The following ATP2B4 variants were observed in gnomAD, a reference collection of about 807,000 sequenced individuals.
The protein encoded by ATP2B4 is ATPase plasma membrane Ca2+ transporting 4, also known as plasma membrane calcium-transporting ATPase 4.
A neutral mutation model predicts 110.3 loss-of-function variants in ATP2B4; 39 were observed. That is an observed-to-expected ratio of 0.35 (90% CI 0.27 to 0.46). ATP2B4 has a LOEUF of 0.46. Among genes scored for constraint, ATP2B4 ranks in the 20% least tolerant of loss-of-function variants. ATP2B4 has a pLI of 1.00. For synonymous variants in ATP2B4, 538 were observed against 571.7 expected (o/e 0.94, Z 0.84); for missense variants, 1,135 against 1,530.9 (o/e 0.74, Z 4.32).
In ATP2B4 at chr1:203,711,051, C is replaced by G. The variant is rs761235783; in HGVS notation, c.1974C>G (p.Ile658Met). The G allele has an allele frequency of 6.2e-7, 1 of 1,614,114 alleles. No homozygotes were observed. The highest frequency in any genetic ancestry group is 1.1e-5 in the South Asian group (1 of 91,066). The change falls in exon 12 of 21, where the codon ATC becomes ATG. Residue 658 changes from isoleucine to methionine, a missense_variant. By Grantham distance (10) the Ile-to-Met change is conservative. Transcript: ENST00000357681. ...TEPSWDNENE[I>M]LTELTCIAVV... Reference sequence around the variant, plus strand: ...CCTCTTGGGACAATGAGAATGAGATCCTCACCGAACTGACCTGTATCGCGG... The same window carrying G: ...CCTCTTGGGACAATGAGAATGAGATGCTCACCGAACTGACCTGTATCGCGG...
chr1:203,723,461 C>CTCTCTCTCTCTCTCT (rs1666407930), intron 18 of ATP2B4, among the ~76,000 whole-genome samples: 1 of 67,612 alleles, frequency 1.5e-5, no homozygotes, highest in Non-Finnish European at 3.1e-5. Context: ...TCTCTCTCTC[C>CTCTCTCTCTCTCTCT]CTCTGCCTCT....
intron 19 of ATP2B4, 133 bp downstream of exon 19, chr1:203,724,121 C>T: frequency 1.4e-6 from 1 of 691,428 alleles, no homozygotes; most frequent in Non-Finnish European, 2.3e-6. Context: ...CTCCCCACCC[C>T]CACTCAAGTT....
chr1:203,660,339 A>AT (rs1664298275), intron 1 of ATP2B4, among the ~76,000 whole-genome samples: 1 of 152,202 alleles, frequency 6.6e-6, no homozygotes, highest in African/African-American at 2.4e-5. Flanking sequence ...TTGAAAGAGG[A>AT]TAAAAATAGC....
chr1:203,641,109 C>T (rs929497672), intron 1 of ATP2B4, among the ~76,000 whole-genome samples: 1 of 152,236 alleles, frequency 6.6e-6, no homozygotes, highest in African/African-American at 2.4e-5. Flanking sequence ...CTGTGAGCCA[C>T]ACCTACATCC....
At chr1:203,654,947 A>G (rs1039512701) in intron 1 of ATP2B4, among the ~76,000 whole-genome samples, 30 of 151,900 alleles carry the variant, frequency 2.0e-4, no homozygotes, top group Non-Finnish European at 3.8e-4. Flanking sequence ...AAGTCAAAAT[A>G]TCAACATTAA....
At position 203,683,162 on chromosome 1, in the gene ATP2B4, C is replaced by T. The variant is rs776091016; in HGVS notation, c.-44C>T. On this transcript the variant is annotated 5_prime_UTR_variant, in exon 2 of 21. The change creates a new upstream start codon in the 5' untranslated region. Transcript: ENST00000357681. ...GAGACACTGGTCAGTTGAAGGGAAA[C>T]GCTACATCTTCTCTGGTTGAGGGGC... The T allele has an allele frequency of 1.1e-5, 17 of 1,590,036 alleles. No homozygotes were observed. The highest frequency in any genetic ancestry group is 6.8e-5 in the Admixed American group (4 of 58,536).
intron 14 of ATP2B4, 71 bp from the exon 15 acceptor site, chr1:203,714,100 G>A: frequency 7.5e-7 from 1 of 1,332,918 alleles, no homozygotes. Flanking sequence ...AGTAGAAGGA[G>A]TGGCGGGTGG....
intron 10 of ATP2B4, among the ~76,000 whole-genome samples, chr1:203,708,479 C>T (rs1665914106): frequency 6.6e-6 from 1 of 152,162 alleles, no homozygotes; most frequent in Admixed American, 6.5e-5. Context: ...GACACCAGCA[C>T]TACCACTAGA....
chr1:203,689,659 C>G (rs1364736733), intron 2 of ATP2B4, among the ~76,000 whole-genome samples: 1 of 152,212 alleles, frequency 6.6e-6, no homozygotes, highest in Admixed American at 6.5e-5. Context: ...TTTTCAACAA[C>G]ATTCAACTAA....
Position 203,654,968 on chromosome 1 carries a change from G to GAA in ATP2B4, c.-465+27750_-465+27751dup, listed in dbSNP as rs1664114133. 3.3e-5 allele frequency among the ~76,000 whole-genome samples: 5 copies of GAA among 152,190 alleles called. No homozygotes were observed. In the South Asian group the frequency reaches 8.3e-4, roughly 25 times the overall value. Reference sequence around the variant, plus strand: ...AAATATCAACATTAACAGGAGTTTGGAAGAAGTTGATTCCAACCCTCATGG... The same window carrying GAA: ...AAATATCAACATTAACAGGAGTTTGGAAAAGAAGTTGATTCCAACCCTCATGG... On this transcript the variant is annotated intron_variant, in intron 1 of 20. Coordinates refer to ENST00000357681, the MANE Select transcript of ATP2B4 (RefSeq NM_001684.5).
intron 1 of ATP2B4, among the ~76,000 whole-genome samples, chr1:203,672,324 CTTTT>C (rs57144862): frequency 3.6e-4 from 29 of 79,606 alleles, no homozygotes; most frequent in African/African-American, 1.5e-3. Context: ...TGCGGTGGCT[CTTTT>C]TTTTTTTTTT....
Position 203,677,908 on chromosome 1 carries a change from C to T in ATP2B4, c.-464-4834C>T, listed in dbSNP as rs565642895. Among the ~76,000 whole-genome samples, 132 of 152,354 alleles carry T rather than the reference C, an allele frequency of 8.7e-4. 1 individual carries two copies. Among genetic ancestry groups the T allele is most frequent in the African/African-American group, 3.1e-3 (130 of 41,578 alleles). The stretch of plus-strand genomic sequence containing the variant: ...CCTGCCAGAGTATCTCCAAGTGCTA[C>T]CGGCTTGCTCCTGAGCAGAGGCTCT... On this transcript the variant is annotated intron_variant, in intron 1 of 20. Transcript: ENST00000357681.
intron 15 of ATP2B4, among the ~76,000 whole-genome samples, chr1:203,716,473 A>G (rs1185754594): frequency 6.9e-6 from 1 of 145,280 alleles, no homozygotes; most frequent in Admixed American, 6.8e-5. Flanking sequence ...GCAAATGTTC[A>G]ATGTAAACCA....
rs11329273 is a variant in ATP2B4, at chr1:203,686,994, CTT to C, written c.193+3615_193+3616del. On this transcript the variant is annotated intron_variant, in intron 2 of 20. Transcript: ENST00000357681. ...ACAGGCGTGAGCCATGGCATCTGGC[CTT>C]TTTTTTTTTTTTTTTTTTCTTTATG... Among the ~76,000 whole-genome samples the C allele has an allele frequency of 4.8e-3, 413 of 86,470 alleles. 4 individuals carry two copies. Among genetic ancestry groups the C allele is most frequent in the African/African-American group, 0.013 (307 of 23,820 alleles). The allele number at this position is 86,470 out of a possible 152,430, so 56.7% of individuals were successfully genotyped here.
At chr1:203,664,333 G>A (rs1472304912) in intron 1 of ATP2B4, among the ~76,000 whole-genome samples, 3 of 152,164 alleles carry the variant, frequency 2.0e-5, no homozygotes, top group Non-Finnish European at 4.4e-5. Flanking sequence ...TCCAGGACTG[G>A]AAAGTATAGG....
chr1:203,711,655 C>T (rs1397029088), intron 12 of ATP2B4, among the ~76,000 whole-genome samples: 1 of 152,158 alleles, frequency 6.6e-6, no homozygotes, highest in Admixed American at 6.5e-5. Flanking sequence ...TCGCAAAATG[C>T]CATTCATGCC....
chr1:203,675,192 A>T (rs10900577), intron 1 of ATP2B4, among the ~76,000 whole-genome samples: 5 of 151,928 alleles, frequency 3.3e-5, no homozygotes, highest in African/African-American at 4.8e-5. Flanking sequence ...GGATCTTAGC[A>T]GACCAGGTGA....
chr1:203,629,608 G>A lies in ATP2B4; in HGVS notation c.-465+2389G>A, dbSNP rs1327904301. Reference sequence around the variant, plus strand: ...TTGACTGCGCAACCCTGCGGCCCCTGTGCTCTCCGCGGCCTCTGCGACCCC... The same window carrying A: ...TTGACTGCGCAACCCTGCGGCCCCTATGCTCTCCGCGGCCTCTGCGACCCC... On this transcript the variant is annotated intron_variant, in intron 1 of 20. Transcript: ENST00000357681. This position sits in a 1 kb window ranked among gnomAD's most constrained non-coding sequence, Gnocchi z 4.6. Among the ~76,000 whole-genome samples, 1 of 152,142 alleles carries A rather than the reference G, an allele frequency of 6.6e-6. No homozygotes were observed. Among genetic ancestry groups the A allele is most frequent in the Non-Finnish European group, 1.5e-5 (1 of 68,016 alleles).
At chr1:203,738,000 G>T (rs892711745) in intron 20 of ATP2B4, among the ~76,000 whole-genome samples, 1 of 152,112 alleles carries the variant, frequency 6.6e-6, no homozygotes, top group African/African-American at 2.4e-5. Context: ...CAGTTTATTT[G>T]GCTGACTCTC....
Sources: gnomAD v4.1 joint callset for allele counts (sites outside exome capture counted in the v4.1 genomes callset) on GRCh38, gnomAD v4.1.1 for gene constraint, Gnocchi (gnomAD v3.1) non-coding constraint, MANE v1.5 for transcripts, NCBI Gene and HGNC (gene_info 2026-07-23, HGNC 2026-07-21) for gene names.